Variants in ECM2 observed in about 807,000 individuals in gnomAD.
The protein encoded by ECM2 is extracellular matrix protein 2, also known as extracellular matrix protein 2, female organ and adipocyte specific.
ECM2 carries 57 observed loss-of-function variants against 67.5 expected under a neutral mutation model. That is an observed-to-expected ratio of 0.84 (90% confidence interval 0.68 to 1.05). ECM2 has a LOEUF of 1.05. ECM2 is among the 50% of genes least tolerant of loss of function. ECM2 has a pLI of 0.00. For synonymous variants in ECM2, 258 were observed against 294.5 expected (o/e 0.88, Z 1.27); for missense variants, 741 against 822.8 (o/e 0.90, Z 1.22).
intron 2 of ECM2, among the ~76,000 whole-genome samples, chr9:92,520,057 A>T (rs1847964797): frequency 6.7e-6 from 1 of 148,294 alleles, no homozygotes; most frequent in South Asian, 2.1e-4. Context: ...CAAGGAGGGA[A>T]GATTTCTTGA....
At chr9:92,494,120 A>G (rs1158343348), downstream of ECM2, 3 of 1,597,944 alleles carry the variant, frequency 1.9e-6, no homozygotes, top group South Asian at 1.1e-5. Flanking sequence ...TCTGTTTGTC[A>G]CTGTCTCTAG....
intron 1 of ECM2, among the ~76,000 whole-genome samples, chr9:92,530,625 T>C (rs1180543010): frequency 6.6e-6 from 1 of 152,238 alleles, no homozygotes; most frequent in Non-Finnish European, 1.5e-5. Context: ...TATCATTAGG[T>C]GGATACTTTC....
chr9:92,551,295 A>T, the ECM2 span, among the ~76,000 whole-genome samples: 1 of 152,154 alleles, frequency 6.6e-6, no homozygotes, highest in Non-Finnish European at 1.5e-5. Flanking sequence ...AGTTAAGTAT[A>T]GAAGTCTTAT....
chr9:92,554,463 G>A, the ECM2 span, among the ~76,000 whole-genome samples: 2 of 152,068 alleles, frequency 1.3e-5, no homozygotes, highest in South Asian at 2.1e-4. Flanking sequence ...GATTACAGGC[G>A]TGAGCCACTG....
At chr9:92,512,528 TC>T (rs1211498042) in intron 4 of ECM2, among the ~76,000 whole-genome samples, 1 of 152,212 alleles carries the variant, frequency 6.6e-6, no homozygotes, top group Non-Finnish European at 1.5e-5. Context: ...GAAACATGCC[TC>T]TGTTTTTGTC....
chr9:92,546,353 G>C, the ECM2 span, among the ~76,000 whole-genome samples: 1 of 152,294 alleles, frequency 6.6e-6, no homozygotes, highest in South Asian at 2.1e-4. Context: ...CTGTGTGGAA[G>C]CTTTGTTCTT....
At chr9:92,552,966 T>C in the ECM2 span, among the ~76,000 whole-genome samples, 1 of 152,054 alleles carries the variant, frequency 6.6e-6, no homozygotes, top group African/African-American at 2.4e-5. Flanking sequence ...CTTTTTCTTT[T>C]TATTATTTTT....
rs117199853 is a variant in ECM2 at position 92,516,603 on chromosome 9, A to G, written c.481+1084T>C. On this transcript the variant is annotated intron_variant, in intron 3 of 9. Coordinates refer to ENST00000344604, the MANE Select transcript of ECM2 (RefSeq NM_001393.4). ...AGTAAAAGGAAACTAAAGCTATCATATTGAAACATTTAAAATCCTTCCTGT... is the reference window on the plus strand; with the variant it reads ...AGTAAAAGGAAACTAAAGCTATCATGTTGAAACATTTAAAATCCTTCCTGT... The G allele has an allele frequency of 1.6e-4, 24 of 152,366 alleles. No individual in the cohort carries two copies. In the East Asian group the frequency reaches 4.2e-3, roughly 27 times the overall value. 9.4% of individuals were successfully genotyped at this position (152,366 alleles called of 1,614,324 possible).
chr9:92,524,658 T>C (rs143281245), intron 1 of ECM2, among the ~76,000 whole-genome samples: 139 of 152,258 alleles, frequency 9.1e-4, no homozygotes, highest in African/African-American at 3.1e-3. Context: ...TTTCCTGAGA[T>C]GAAAAGCCTT....
the ECM2 span, among the ~76,000 whole-genome samples, chr9:92,554,486 A>G: frequency 0.42 from 63,563 of 151,758 alleles, 15,482 homozygotes; most frequent in African/African-American, 0.67. Flanking sequence ...CCCTGCTTTT[A>G]CCTTTAATTC....
chr9:92,549,285 A>T, the ECM2 span, among the ~76,000 whole-genome samples: 1 of 152,198 alleles, frequency 6.6e-6, no homozygotes, highest in Non-Finnish European at 1.5e-5. Context: ...ACACTTTCTC[A>T]TAACCAAAAC....
At chr9:92,525,818 A>T (rs1848360749) in intron 1 of ECM2, among the ~76,000 whole-genome samples, 1 of 142,150 alleles carries the variant, frequency 7.0e-6, no homozygotes, top group African/African-American at 2.6e-5. Flanking sequence ...TAAACCCGGG[A>T]GGCGGAGGTT....
At chr9:92,556,329 G>T in the ECM2 span, among the ~76,000 whole-genome samples, 5 of 152,116 alleles carry the variant, frequency 3.3e-5, no homozygotes, top group African/African-American at 1.2e-4. Context: ...CTTGGAGAAA[G>T]TTCCATGTGC....
Position 92,516,901 on chromosome 9 carries a change from G to A in ECM2, c.481+786C>T, listed in dbSNP as rs1847761719. 2.0e-5 allele frequency: 3 copies of A among 152,348 alleles called. No homozygotes were observed. In the South Asian group the frequency reaches 6.2e-4, roughly 32 times the overall value. 9.4% of individuals were successfully genotyped at this position (152,348 alleles called of 1,614,324 possible). On this transcript the variant is annotated intron_variant, in intron 3 of 9. Coordinates refer to ENST00000344604, the MANE Select transcript of ECM2 (RefSeq NM_001393.4). The stretch of plus-strand genomic sequence containing the variant: ...CTACCCTGTGATCATCTGTGTGCAT[G>A]GGAGCAATCTACCTTGGTTATAGAC...
intron 9 of ECM2, among the ~76,000 whole-genome samples, chr9:92,497,560 G>T (rs1846419063): frequency 6.6e-6 from 1 of 151,448 alleles, no homozygotes; most frequent in Non-Finnish European, 1.5e-5. Flanking sequence ...GGAGGTCGAG[G>T]TTGCAGTGAG....
the ECM2 span, among the ~76,000 whole-genome samples, chr9:92,555,003 TTTG>T: frequency 0.011 from 1,714 of 149,772 alleles, 19 homozygotes; most frequent in African/African-American, 0.027. Flanking sequence ...GTCTGTATTG[TTTG>T]TTGTTGTTGT....
chr9:92,519,884 T>A (rs1847953972), intron 2 of ECM2, among the ~76,000 whole-genome samples: 1 of 151,298 alleles, frequency 6.6e-6, no homozygotes, highest in Admixed American at 6.6e-5. Context: ...GTGTACACAA[T>A]GGGAGAGAAT....
At chr9:92,494,182 G>T (rs1039648747), downstream of ECM2, 1 of 1,587,682 alleles carries the variant, frequency 6.3e-7, no homozygotes, top group Non-Finnish European at 8.5e-7. Context: ...ATGAATGAAT[G>T]AATCGTTTAG....
chr9:92,548,721 A>T, the ECM2 span, among the ~76,000 whole-genome samples: 1 of 152,232 alleles, frequency 6.6e-6, no homozygotes, highest in Non-Finnish European at 1.5e-5. Flanking sequence ...TAAAATTTTG[A>T]GAGAAGTTAA....
Sources: gnomAD v4.1 joint callset for allele counts (sites outside exome capture counted in the v4.1 genomes callset) on GRCh38, gnomAD v4.1.1 for gene constraint, MANE v1.5 for transcripts, NCBI Gene and HGNC (gene_info 2026-07-23, HGNC 2026-07-21) for gene names.